SMAD9: variants seen among roughly 807,000 people sequenced by gnomAD.
The protein encoded by SMAD9 is SMAD family member 9.
Under a neutral mutation model 46.1 loss-of-function variants are expected in SMAD9, and 36 were observed. The ratio of observed to expected loss-of-function variants is 0.78; its 90% confidence interval spans 0.60 to 1.03. The LOEUF (loss-of-function observed/expected upper bound fraction) is 1.03, where lower values mean the gene tolerates loss of function less well. Ranked by LOEUF, SMAD9 falls within the 50% of genes least tolerant of loss-of-function variation. SMAD9 has a pLI of 0.00. For synonymous variants in SMAD9, 245 were observed against 237.1 expected (o/e 1.03, Z -0.31); for missense variants, 572 against 599.8 (o/e 0.95, Z 0.48).
intron 5 of SMAD9, among the ~76,000 whole-genome samples, chr13:36,854,173 A>AT (rs766848411): frequency 6.6e-6 from 1 of 152,076 alleles, no homozygotes; most frequent in African/African-American, 2.4e-5. Flanking sequence ...AAATAAATAA[A>AT]TAAAAATAAA....
At chr13:36,908,911 A>G (rs966878398) in intron 1 of SMAD9, among the ~76,000 whole-genome samples, 17 of 151,946 alleles carry the variant, frequency 1.1e-4, no homozygotes, top group Admixed American at 1.1e-3. Flanking sequence ...CCAAATGAAG[A>G]CTCTTGGTTT....
intron 1 of SMAD9, among the ~76,000 whole-genome samples, chr13:36,892,493 A>G (rs1478514349): frequency 1.3e-5 from 2 of 152,114 alleles, no homozygotes; most frequent in East Asian, 3.9e-4. Flanking sequence ...GATATTAAAA[A>G]CCACATTTTG....
At chr13:36,856,798 C>CTT (rs34107763) in intron 5 of SMAD9, among the ~76,000 whole-genome samples, 14,445 of 123,230 alleles carry the variant, frequency 0.12, 1,635 homozygotes, top group East Asian at 0.37. Flanking sequence ...GTGACCTGCA[C>CTT]TTTTTTTTTT....
chr13:36,912,781 T>A (rs1055935244), intron 1 of SMAD9, among the ~76,000 whole-genome samples: 3 of 152,200 alleles, frequency 2.0e-5, no homozygotes, highest in Admixed American at 2.0e-4. Context: ...CTCTACCTTC[T>A]AGTTTACCTC....
At chr13:36,904,987 T>A (rs1391188837) in intron 1 of SMAD9, among the ~76,000 whole-genome samples, 1 of 152,206 alleles carries the variant, frequency 6.6e-6, no homozygotes, top group African/African-American at 2.4e-5. Context: ...TTATCACCAT[T>A]CTGCCATCAG....
intron 1 of SMAD9, among the ~76,000 whole-genome samples, chr13:36,903,343 T>A (rs564009033): frequency 1.2e-4 from 19 of 152,228 alleles, no homozygotes; most frequent in Non-Finnish European, 2.2e-4. Context: ...GTCAGGCTGG[T>A]CTTGAACTCC....
chr13:36,902,459 CTTTTT>C (rs933954033), intron 1 of SMAD9, among the ~76,000 whole-genome samples: 1 of 145,034 alleles, frequency 6.9e-6, no homozygotes, highest in African/African-American at 2.5e-5. Context: ...CTTTGTTCTT[CTTTTT>C]TTTTTTTGAG....
At chr13:36,909,480 G>A (rs1338746587) in intron 1 of SMAD9, among the ~76,000 whole-genome samples, 4 of 152,110 alleles carry the variant, frequency 2.6e-5, no homozygotes, top group African/African-American at 7.2e-5. Context: ...TTACACATAC[G>A]TAATAAACTG....
intron 1 of SMAD9, among the ~76,000 whole-genome samples, chr13:36,900,779 C>T (rs867176538): frequency 6.6e-5 from 10 of 151,522 alleles, no homozygotes; most frequent in Admixed American, 2.6e-4. Flanking sequence ...GTGAAATGCA[C>T]GTAACATAAA....
At chr13:36,872,634 C>T (rs757911757) in intron 3 of SMAD9, 24 bp downstream of exon 3, 1 of 1,613,470 alleles carries the variant, frequency 6.2e-7, no homozygotes, top group Non-Finnish European at 8.5e-7. Flanking sequence ...CCGTATTTCC[C>T]CACAGACCAT....
At chr13:36,904,309 C>T (rs1302921901) in intron 1 of SMAD9, among the ~76,000 whole-genome samples, 1 of 152,176 alleles carries the variant, frequency 6.6e-6, no homozygotes, top group Non-Finnish European at 1.5e-5. Context: ...CTTGATCTTC[C>T]TTGCCTGGAT....
At chr13:36,887,346 C>T (rs953438531) in intron 1 of SMAD9, among the ~76,000 whole-genome samples, 2 of 150,182 alleles carry the variant, frequency 1.3e-5, no homozygotes, top group Non-Finnish European at 3.0e-5. Context: ...CCTCAGTGTC[C>T]TGAGTAGCTG....
chr13:36,917,143 G>C (rs550897193), intron 1 of SMAD9, among the ~76,000 whole-genome samples: 21 of 152,202 alleles, frequency 1.4e-4, no homozygotes, highest in African/African-American at 4.6e-4. Flanking sequence ...CAAGCAAGAA[G>C]AACATCCAGT....
intron 5 of SMAD9, 102 bp from the exon 6 acceptor site, chr13:36,853,777 GTC>G: frequency 8.6e-7 from 1 of 1,166,086 alleles, no homozygotes; most frequent in Non-Finnish European, 1.3e-6. Flanking sequence ...CCATCAGGTT[GTC>G]AGATCACTGA....
At chr13:36,896,939 T>A (rs536169898) in intron 1 of SMAD9, among the ~76,000 whole-genome samples, 1 of 152,174 alleles carries the variant, frequency 6.6e-6, no homozygotes, top group Non-Finnish European at 1.5e-5. Flanking sequence ...TAAGTTGCAT[T>A]TGAACTTTAC....
At chr13:36,853,014 C>T (rs919909211) in intron 6 of SMAD9, among the ~76,000 whole-genome samples, 15 of 152,182 alleles carry the variant, frequency 9.9e-5, no homozygotes, top group African/African-American at 3.1e-4. Flanking sequence ...GGGCTGGGCG[C>T]GGTGGCTCAC....
intron 1 of SMAD9, among the ~76,000 whole-genome samples, chr13:36,884,168 A>G (rs1184992445): frequency 6.6e-6 from 1 of 152,234 alleles, no homozygotes; most frequent in Non-Finnish European, 1.5e-5. Context: ...CCTGTTAATA[A>G]CAAATATCAT....
At chr13:36,908,873 G>A (rs1329607299) in intron 1 of SMAD9, among the ~76,000 whole-genome samples, 1 of 152,208 alleles carries the variant, frequency 6.6e-6, no homozygotes, top group Non-Finnish European at 1.5e-5. Flanking sequence ...TGAAACTGAA[G>A]GCCATGACTA....
chr13:36,856,159 C>A lies in SMAD9; in HGVS notation c.1004-2484G>T, dbSNP rs2058122225. On this transcript the variant is annotated intron_variant, in intron 5 of 6. Transcript: ENST00000379826. ...GCAAACACCGCCTCTTACAACAACC[C>A]CTGTGGGCTCCAAAGGGGAAAGACC... Among the ~76,000 whole-genome samples, 4 of 152,152 alleles carry A rather than the reference C, an allele frequency of 2.6e-5. No homozygotes were observed. In the South Asian group the frequency reaches 8.3e-4, roughly 32 times the overall value.
Sources: gnomAD v4.1 joint callset for allele counts (sites outside exome capture counted in the v4.1 genomes callset) on GRCh38, gnomAD v4.1.1 for gene constraint, MANE v1.5 for transcripts, NCBI Gene and HGNC (gene_info 2026-07-23, HGNC 2026-07-21) for gene names.